RBMS1: variants seen among roughly 807,000 people sequenced by gnomAD.
RBMS1 encodes RNA-binding motif, single-stranded-interacting protein 1.
A neutral mutation model predicts 62.3 loss-of-function variants in RBMS1; 17 were observed. The ratio of observed to expected loss-of-function variants is 0.27; its 90% confidence interval spans 0.19 to 0.41. The LOEUF (loss-of-function observed/expected upper bound fraction) is 0.41, where lower values mean the gene tolerates loss of function less well. RBMS1 is among the 10% of genes least tolerant of loss of function. The pLI is 1.00. For missense variants in RBMS1, 334 were observed against 504.5 expected (o/e 0.66, Z 3.24); for synonymous variants, 172 against 170.0 (o/e 1.01, Z -0.09).
At chr2:160,318,999 A>C (rs1330706299) in intron 2 of RBMS1, among the ~76,000 whole-genome samples, 1 of 152,028 alleles carries the variant, frequency 6.6e-6, no homozygotes, top group Non-Finnish European at 1.5e-5. Flanking sequence ...AAATTCCTTT[A>C]TGTGCCATAG....
At chr2:160,306,046 T>G (rs1219786769) in intron 4 of RBMS1, among the ~76,000 whole-genome samples, 3 of 152,086 alleles carry the variant, frequency 2.0e-5, no homozygotes, top group Admixed American at 1.3e-4. Flanking sequence ...GGAGGACTGC[T>G]TAAGCCCAGG....
intron 7 of RBMS1, 46 bp from the exon 8 acceptor site, chr2:160,285,090 G>C: frequency 6.4e-7 from 1 of 1,573,354 alleles, no homozygotes; most frequent in Non-Finnish European, 8.7e-7. Context: ...AGAAAGGCAT[G>C]ATTTAAAAAT....
chr2:160,396,781 T>C (rs977250222), intron 1 of RBMS1, among the ~76,000 whole-genome samples: 2 of 152,048 alleles, frequency 1.3e-5, no homozygotes, highest in African/African-American at 4.8e-5. Flanking sequence ...GTCAGGCTGG[T>C]CTCGAACTCC....
intron 1 of RBMS1, among the ~76,000 whole-genome samples, chr2:160,402,850 G>C (rs1695508968): frequency 6.6e-6 from 1 of 151,904 alleles, no homozygotes. Context: ...ATATGACTGA[G>C]GTTTATACAT....
chr2:160,375,565 C>T (rs1198067266), intron 1 of RBMS1, among the ~76,000 whole-genome samples: 1 of 152,116 alleles, frequency 6.6e-6, no homozygotes, highest in Admixed American at 6.6e-5. Flanking sequence ...TGTGTTTCAA[C>T]GTGTAATCAG....
chr2:160,311,232 C>CTATATATCTATATATATATATA (rs1689866017), intron 4 of RBMS1, among the ~76,000 whole-genome samples: 21 of 79,226 alleles, frequency 2.7e-4, no homozygotes, highest in Admixed American at 7.1e-4. Context: ...ATCTATCTAT[C>CTATATATCTATATATATATATA]TATATATATA....
intron 1 of RBMS1, among the ~76,000 whole-genome samples, chr2:160,487,712 C>T (rs1007666550): frequency 6.6e-6 from 1 of 152,208 alleles, no homozygotes; most frequent in Non-Finnish European, 1.5e-5. Context: ...AGCATCCAAC[C>T]TCACTTTTAG....
At position 160,273,429 on chromosome 2, in the gene RBMS1, G is replaced by C. The variant is rs1022900671; in HGVS notation, c.*1343C>G. 4.6e-5 allele frequency: 7 copies of C among 152,118 alleles called. No homozygotes were observed. The highest frequency in any genetic ancestry group is 1.7e-4 in the African/African-American group (7 of 41,406). 9.4% of individuals were successfully genotyped at this position (152,118 alleles called of 1,614,324 possible). A position where few individuals can be genotyped will look rare whatever the true frequency, so the allele number is the denominator to read the frequency against. On this transcript the variant is annotated 3_prime_UTR_variant, in exon 14 of 14. Coordinates refer to ENST00000348849, the MANE Select transcript of RBMS1 (RefSeq NM_016836.4). ...ATGCTGAGACAAGTTGGAGCTACTG[G>C]TTACTGGCTCTTCGGTCTTTGGTGA...
chr2:160,383,724 G>C (rs185295320), intron 1 of RBMS1, among the ~76,000 whole-genome samples: 65 of 152,256 alleles, frequency 4.3e-4, no homozygotes, highest in African/African-American at 1.5e-3. Flanking sequence ...GGTATAGCGA[G>C]CTATGTAATC....
intron 1 of RBMS1, among the ~76,000 whole-genome samples, chr2:160,450,471 C>A (rs1683918247): frequency 6.9e-6 from 1 of 144,972 alleles, no homozygotes; most frequent in East Asian, 2.2e-4. Flanking sequence ...ACCCAGAGGG[C>A]GGAGGCTGCA....
chr2:160,348,858 T>C (rs954130647), intron 2 of RBMS1, among the ~76,000 whole-genome samples: 2 of 152,144 alleles, frequency 1.3e-5, no homozygotes, highest in African/African-American at 2.4e-5. Context: ...ATCTGAAAAC[T>C]TGATGAATTA....
At chr2:160,327,459 A>G (rs1691005520) in intron 2 of RBMS1, among the ~76,000 whole-genome samples, 1 of 152,214 alleles carries the variant, frequency 6.6e-6, no homozygotes, top group South Asian at 2.1e-4. Context: ...TGAAAAATGT[A>G]TAACCTCTCT....
At chr2:160,394,907 C>A (rs1695057822) in intron 1 of RBMS1, among the ~76,000 whole-genome samples, 1 of 152,188 alleles carries the variant, frequency 6.6e-6, no homozygotes, top group Non-Finnish European at 1.5e-5. Context: ...AAACAAATCA[C>A]TCAATGTTTC....
At chr2:160,288,835 G>GA (rs1553501446) in intron 6 of RBMS1, among the ~76,000 whole-genome samples, 6 of 151,240 alleles carry the variant, frequency 4.0e-5, no homozygotes, top group Admixed American at 2.0e-4. Context: ...CCTTTTTTTT[G>GA]TTTTTTTTAA....
At chr2:160,293,624 T>C in intron 6 of RBMS1, among the ~76,000 whole-genome samples, 1 of 152,166 alleles carries the variant, frequency 6.6e-6, no homozygotes, top group East Asian at 1.9e-4. Context: ...TGGGAAATCA[T>C]ACTGTCTCCT....
chr2:160,280,997 A>G (rs574043487), intron 10 of RBMS1, among the ~76,000 whole-genome samples: 2 of 152,266 alleles, frequency 1.3e-5, no homozygotes, highest in East Asian at 3.9e-4. Flanking sequence ...AAAAAATGAG[A>G]GCGGTTTTAT....
chr2:160,417,131 T>C (rs920948357), intron 1 of RBMS1, among the ~76,000 whole-genome samples: 1 of 152,120 alleles, frequency 6.6e-6, no homozygotes, highest in African/African-American at 2.4e-5. Flanking sequence ...AAAAGTTTTC[T>C]TGCGCGTGCA....
intron 1 of RBMS1, among the ~76,000 whole-genome samples, chr2:160,372,301 A>T (rs1693766866): frequency 6.6e-6 from 1 of 151,862 alleles, no homozygotes; most frequent in African/African-American, 2.4e-5. Context: ...TCATCCTTAT[A>T]GTTCAAGAAG....
rs144366593 is a variant in RBMS1, at chr2:160,406,919, T to A, written c.76-39528A>T. ...CAACTAGGATGTCACAGGATTTCCC[T>A]GTGCTACTGAAAACCTTGAGAAAGT... On this transcript the variant is annotated intron_variant, in intron 1 of 13. Transcript: ENST00000348849. Among the ~76,000 whole-genome samples the A allele has an allele frequency of 2.1e-4, 32 of 152,320 alleles. 1 individual carries two copies. The East Asian group carries it at 6.0e-3, about 28-fold the overall frequency.
Sources: gnomAD v4.1 joint callset for allele counts (sites outside exome capture counted in the v4.1 genomes callset) on GRCh38, gnomAD v4.1.1 for gene constraint, MANE v1.5 for transcripts, NCBI Gene and HGNC (gene_info 2026-07-23, HGNC 2026-07-21) for gene names.